Variants in RAPGEF4 observed in about 807,000 individuals in gnomAD.
The protein encoded by RAPGEF4 is RAP guanine-nucleotide-exchange factor (GEF) 4.
Under a neutral mutation model 147.9 loss-of-function variants are expected in RAPGEF4, and 66 were observed. The observed-to-expected ratio is 0.45, with a 90% CI of 0.37 to 0.55. The LOEUF is 0.55. RAPGEF4 is among the 20% of genes least tolerant of loss of function. RAPGEF4 has a pLI of 0.00. For missense variants in RAPGEF4, 1,071 were observed against 1,257.3 expected (o/e 0.85, Z 2.24); for synonymous variants, 419 against 442.7 (o/e 0.95, Z 0.67).
At chr2:172,856,705 G>A (rs1015662171) in intron 4 of RAPGEF4, among the ~76,000 whole-genome samples, 1 of 152,078 alleles carries the variant, frequency 6.6e-6, no homozygotes, top group African/African-American at 2.4e-5. Context: ...TATAGTACTG[G>A]GATCAGTCAG....
At chr2:172,922,684 G>C (rs1316550780) in intron 6 of RAPGEF4, among the ~76,000 whole-genome samples, 1 of 152,196 alleles carries the variant, frequency 6.6e-6, no homozygotes, top group African/African-American at 2.4e-5. Flanking sequence ...AGGGTCAGTT[G>C]ATGAATTTGT....
At chr2:172,740,238 G>T (rs1574651787) in intron 1 of RAPGEF4, among the ~76,000 whole-genome samples, 1 of 152,318 alleles carries the variant, frequency 6.6e-6, no homozygotes, top group East Asian at 1.9e-4. Context: ...GGAGATGAAA[G>T]AAATCGTTTT....
At chr2:172,845,969 CT>C (rs2149717672) in intron 4 of RAPGEF4, among the ~76,000 whole-genome samples, 1 of 152,278 alleles carries the variant, frequency 6.6e-6, no homozygotes, top group African/African-American at 2.4e-5. Flanking sequence ...GACGGAGGGT[CT>C]TTTCAAATCT....
At chr2:172,849,531 A>C (rs1010802651) in intron 4 of RAPGEF4, among the ~76,000 whole-genome samples, 7 of 152,230 alleles carry the variant, frequency 4.6e-5, no homozygotes, top group Admixed American at 4.6e-4. Context: ...TTTGCACTAC[A>C]ATTTGGGGCA....
At chr2:172,868,169 C>T (rs922830061) in intron 4 of RAPGEF4, among the ~76,000 whole-genome samples, 1 of 152,226 alleles carries the variant, frequency 6.6e-6, no homozygotes, top group African/African-American at 2.4e-5. Flanking sequence ...ATTGGACCAC[C>T]TAACAAAACG....
chr2:173,028,515 A>C (rs1011660948), intron 25 of RAPGEF4, among the ~76,000 whole-genome samples: 1 of 152,254 alleles, frequency 6.6e-6, no homozygotes, highest in Non-Finnish European at 1.5e-5. Flanking sequence ...TATTTTACAG[A>C]GGCAACATGG....
rs149401322 is a variant in RAPGEF4, at chr2:172,909,844, A to G, written c.445-7958A>G. On this transcript the variant is annotated intron_variant, in intron 4 of 30. Transcript: ENST00000397081. ...GGTCATCTCTCTTTTATTTTTTTCA[A>G]TTCATCAGCTAAACACCAATAAGGC... Among the ~76,000 whole-genome samples the G allele has an allele frequency of 4.1e-3, 620 of 152,236 alleles. 4 individuals are homozygous for G. The highest frequency in any genetic ancestry group is 0.014 in the African/African-American group (583 of 41,550).
chr2:172,735,963 C>T lies in RAPGEF4; in HGVS notation c.-21C>T. 6.9e-7 allele frequency: 1 copy of T among 1,453,344 alleles called. No individual in the cohort carries two copies. The highest frequency in any genetic ancestry group is 9.1e-7 in the Non-Finnish European group (1 of 1,100,308). 90.0% of individuals were successfully genotyped at this position (1,453,344 alleles called of 1,614,324 possible). Reference sequence around the variant, plus strand: ...CGCGGGAGGTCGCCGCAGCCAGGGACACCGCGCGCCGCCGCTCAACATGGT... The same window carrying T: ...CGCGGGAGGTCGCCGCAGCCAGGGATACCGCGCGCCGCCGCTCAACATGGT... On this transcript the variant is annotated 5_prime_UTR_variant, in exon 1 of 31. Transcript: ENST00000397081.
At chr2:172,735,755 G>A, upstream of RAPGEF4, 1 of 183,642 alleles carries the variant, frequency 5.4e-6, no homozygotes, top group Non-Finnish European at 1.1e-5. Context: ...GGGCGGGCGG[G>A]CGACTCGGCC....
At chr2:172,991,669 T>G (rs988273850) in intron 15 of RAPGEF4, among the ~76,000 whole-genome samples, 17 of 152,212 alleles carry the variant, frequency 1.1e-4, no homozygotes, top group Non-Finnish European at 1.6e-4. Context: ...AATCTTAGTG[T>G]AATAAAAACA....
rs370714626 is a variant in RAPGEF4, at chr2:172,826,161, T to C, written c.444+11736T>C. Among the ~76,000 whole-genome samples, 178 of 152,306 alleles carry C rather than the reference T, an allele frequency of 1.2e-3. 2 individuals are homozygous for C. Among genetic ancestry groups the C allele is most frequent in the African/African-American group, 4.2e-3 (175 of 41,562 alleles). On this transcript the variant is annotated intron_variant, in intron 4 of 30. Transcript: ENST00000397081. ...GGTCCCTTGCTTTCTTTTGCCTCCA[T>C]GCCATGCCCTCCCACAAACATGCTT...
intron 25 of RAPGEF4, among the ~76,000 whole-genome samples, chr2:173,027,589 A>C (rs1696785039): frequency 6.6e-6 from 1 of 152,200 alleles, no homozygotes; most frequent in African/African-American, 2.4e-5. Context: ...TCGAAAGTTC[A>C]GTTGAAAAGA....
intron 23 of RAPGEF4, among the ~76,000 whole-genome samples, chr2:173,025,413 T>C (rs1478653367): frequency 6.6e-6 from 1 of 152,236 alleles, no homozygotes; most frequent in Non-Finnish European, 1.5e-5. Flanking sequence ...TATCTAAATA[T>C]AGTTAGCATC....
chr2:173,038,417 G>C (rs764891112), intron 29 of RAPGEF4, among the ~76,000 whole-genome samples: 1 of 152,216 alleles, frequency 6.6e-6, no homozygotes, highest in Non-Finnish European at 1.5e-5. Flanking sequence ...AGATGTAGAA[G>C]TCAGGGTTTC....
intron 10 of RAPGEF4, among the ~76,000 whole-genome samples, chr2:172,971,449 C>T (rs1444512675): frequency 6.6e-6 from 1 of 152,078 alleles, no homozygotes; most frequent in African/African-American, 2.4e-5. Context: ...TGGGCCCGAG[C>T]AGAGAGAAAT....
rs1304569976 is a variant in RAPGEF4 at position 173,036,726 on chromosome 2, G to A, written c.2853+34G>A. The A allele has an allele frequency of 2.0e-6, 3 of 1,465,766 alleles. No individual in the cohort carries two copies. The South Asian group carries it at 3.8e-5, about 19-fold the overall frequency. 90.8% of individuals were successfully genotyped at this position (1,465,766 alleles called of 1,614,324 possible). On this transcript the variant is annotated intron_variant, in intron 29 of 30. Transcript: ENST00000397081. ...AGTATTATAACCTTAACCACAATGT[G>A]TTTTTAAAATAAAATTTGCATTTTT...
chr2:173,014,945 C>T (rs569815910), intron 18 of RAPGEF4, among the ~76,000 whole-genome samples: 7 of 151,892 alleles, frequency 4.6e-5, no homozygotes, highest in Non-Finnish European at 1.0e-4. Flanking sequence ...CAGTACAGTC[C>T]TTATAATAAA....
At chr2:172,870,528 T>A (rs1228651041) in intron 4 of RAPGEF4, among the ~76,000 whole-genome samples, 8 of 152,152 alleles carry the variant, frequency 5.3e-5, no homozygotes, top group African/African-American at 1.7e-4. Context: ...GTTTTCCTAT[T>A]CCTGGTTTTG....
intron 1 of RAPGEF4, among the ~76,000 whole-genome samples, chr2:172,762,127 A>G (rs569685027): frequency 6.6e-6 from 1 of 152,264 alleles, no homozygotes; most frequent in African/African-American, 2.4e-5. Flanking sequence ...ACAAACAAAC[A>G]AACAAAAAAC....
Sources: allele counts gnomAD v4.1 joint callset (sites outside exome capture counted in the v4.1 genomes callset), GRCh38; gene constraint gnomAD v4.1.1; transcripts MANE v1.5; gene names NCBI Gene and HGNC (gene_info 2026-07-23, HGNC 2026-07-21).